Variants in SDK2 observed in about 807,000 individuals in gnomAD.
SDK2 encodes the protein protein sidekick-2.
A neutral mutation model predicts 253.9 loss-of-function variants in SDK2; 105 were observed. That is an observed-to-expected ratio of 0.41 (90% CI 0.35 to 0.49). The LOEUF is 0.49. SDK2 is among the 20% of genes least tolerant of loss of function. SDK2 has a pLI of 0.06. For missense variants in SDK2, 2,608 were observed against 3,003.0 expected, an observed-to-expected ratio of 0.87 and a Z score of 3.07; for synonymous variants, 1,249 against 1,234.9, an observed-to-expected ratio of 1.01 and a Z score of -0.24.
chr17:73,431,555 A>G lies in SDK2; in HGVS notation c.1427T>C (p.Leu476Pro), dbSNP rs749222687. ...ATCGACCCCCCGAGAGTTGGTGGCCAGGCAGGTGTAGGTCCCCGCATCGGA... is the reference window on the plus strand; with the variant it reads ...ATCGACCCCCCGAGAGTTGGTGGCCGGGCAGGTGTAGGTCCCCGCATCGGA... ...HISDAGTYTC[L>P]ATNSRGVDEA... is the part of the protein sequence containing the mutation. Residue 476 changes from leucine (L) to proline (P), a missense_variant, in exon 11 of 45, where the codon CTG becomes CCG. Coordinates refer to ENST00000392650, the MANE Select transcript of SDK2 (RefSeq NM_001144952.2). This position sits in a 1 kb window ranked among gnomAD's most constrained non-coding sequence, Gnocchi z 5.6. 1 of 1,613,640 alleles carries G rather than the reference A, an allele frequency of 6.2e-7. No homozygotes were observed. Among genetic ancestry groups the G allele is most frequent in the Non-Finnish European group, 8.5e-7 (1 of 1,179,740 alleles).
intron 2 of SDK2, among the ~76,000 whole-genome samples, chr17:73,499,421 G>A (rs999975059): frequency 2.6e-5 from 4 of 152,244 alleles, no homozygotes; most frequent in East Asian, 1.9e-4. Flanking sequence ...GCCTGGGGCC[G>A]GCCAGATGCC....
chr17:73,417,684 G>T (rs891874503), intron 16 of SDK2, among the ~76,000 whole-genome samples: 5 of 152,048 alleles, frequency 3.3e-5, no homozygotes, highest in Non-Finnish European at 5.9e-5. Context: ...TGAAGCCTGG[G>T]CTCATTTTCT....
chr17:73,497,727 C>G (rs541980936), intron 2 of SDK2, among the ~76,000 whole-genome samples: 1 of 152,064 alleles, frequency 6.6e-6, no homozygotes, highest in African/African-American at 2.4e-5. Flanking sequence ...CTCTTCCACC[C>G]GCTTCTCACC....
chr17:73,420,475 TG>T (rs1463066516), intron 15 of SDK2, among the ~76,000 whole-genome samples: 3 of 149,414 alleles, frequency 2.0e-5, no homozygotes, highest in Non-Finnish European at 4.4e-5. Flanking sequence ...GGATTATGGG[TG>T]CCTGCCACCA....
At chr17:73,444,542 T>C (rs911685489) in intron 5 of SDK2, among the ~76,000 whole-genome samples, 4 of 152,204 alleles carry the variant, frequency 2.6e-5, no homozygotes, top group African/African-American at 9.6e-5. Context: ...CCAGACGCTT[T>C]GCGTAACAGC....
intron 1 of SDK2, among the ~76,000 whole-genome samples, chr17:73,588,432 G>T (rs1173874800): frequency 2.0e-5 from 3 of 151,452 alleles, no homozygotes; most frequent in Admixed American, 6.6e-5. Context: ...GCAAATTCTG[G>T]GCCTTGTCTC....
At chr17:73,578,452 C>G (rs2045487735) in intron 1 of SDK2, among the ~76,000 whole-genome samples, 1 of 152,184 alleles carries the variant, frequency 6.6e-6, no homozygotes, top group African/African-American at 2.4e-5. Context: ...TGTTTTGAGC[C>G]ACCACATTTG....
At position 73,338,355 on chromosome 17, in the gene SDK2, T is replaced by C. The variant is rs1484537922; in HGVS notation, c.*232A>G. 4.5e-6 allele frequency: 3 copies of C among 670,196 alleles called. No homozygotes were observed. In the East Asian group the frequency reaches 8.8e-5, roughly 20 times the overall value. The allele number at this position is 670,196 out of a possible 1,614,324, so 41.5% of individuals were successfully genotyped here. On this transcript the variant is annotated 3_prime_UTR_variant, in exon 45 of 45. Transcript: ENST00000392650. This position sits in a 1 kb window ranked among gnomAD's most constrained non-coding sequence, Gnocchi z 5.0. Reference sequence around the variant, plus strand: ...CTCCGTGTAATTCCCAAGGGAGCAGTGAACCCCACCATCTCAAAGCTGAAG... The same window carrying C: ...CTCCGTGTAATTCCCAAGGGAGCAGCGAACCCCACCATCTCAAAGCTGAAG...
chr17:73,509,638 A>AG (rs1555594943), intron 1 of SDK2, among the ~76,000 whole-genome samples: 3 of 150,632 alleles, frequency 2.0e-5, no homozygotes, highest in African/African-American at 2.5e-5. Context: ...AAAAAAAAAA[A>AG]AAAAAAAGAA....
chr17:73,536,351 C>T (rs543149782), intron 1 of SDK2, among the ~76,000 whole-genome samples: 15 of 152,328 alleles, frequency 9.8e-5, no homozygotes, highest in Admixed American at 3.9e-4. Context: ...AGTTCAGAGG[C>T]TCTTTTCCAG....
chr17:73,610,517 G>A (rs2045960312), intron 1 of SDK2, among the ~76,000 whole-genome samples: 1 of 152,182 alleles, frequency 6.6e-6, no homozygotes, highest in South Asian at 2.1e-4. Context: ...TCACTCACTG[G>A]GGATCTGACT....
intron 44 of SDK2, among the ~76,000 whole-genome samples, chr17:73,346,204 G>A (rs1482273039): frequency 2.7e-5 from 4 of 147,352 alleles, no homozygotes; most frequent in African/African-American, 7.6e-5. Flanking sequence ...GCGAAACTCC[G>A]TCTCAAGAAA....
intron 1 of SDK2, among the ~76,000 whole-genome samples, chr17:73,622,510 C>T (rs1490260312): frequency 1.3e-5 from 2 of 152,156 alleles, no homozygotes; most frequent in Admixed American, 6.5e-5. Context: ...AGTCTTTTTC[C>T]TCCTCTTCCC....
intron 2 of SDK2, among the ~76,000 whole-genome samples, chr17:73,506,716 A>G (rs1645099069): frequency 6.6e-6 from 1 of 152,216 alleles, no homozygotes; most frequent in Non-Finnish European, 1.5e-5. Flanking sequence ...GGATAAGAGC[A>G]GAAAGGAGGG....
chr17:73,507,656 G>A (rs2063946865), intron 1 of SDK2, 59 bp from the exon 2 acceptor site: 2 of 1,518,224 alleles, frequency 1.3e-6, no homozygotes, highest in South Asian at 2.5e-5. Context: ...GTGACCTGGT[G>A]CGTTTAGTAT....
At position 73,511,125 on chromosome 17, in the gene SDK2, G is replaced by C. The variant is rs1049627322; in HGVS notation, c.65-3528C>G. On this transcript the variant is annotated intron_variant, in intron 1 of 44. Transcript: ENST00000392650. This position sits in a 1 kb window ranked among gnomAD's most constrained non-coding sequence, Gnocchi z 4.9. ...AAATGGGCACATTCTTACTTCAAAG[G>C]CGCATTCATATTCTCCAGCAGCTTT... Among the ~76,000 whole-genome samples, 7 of 152,150 alleles carry C rather than the reference G, an allele frequency of 4.6e-5. No homozygotes were observed. Among genetic ancestry groups the C allele is most frequent in the African/African-American group, 7.2e-5 (3 of 41,440 alleles).
intron 18 of SDK2, among the ~76,000 whole-genome samples, chr17:73,414,147 A>T (rs1450522484): frequency 1.3e-5 from 2 of 151,156 alleles, no homozygotes; most frequent in Non-Finnish European, 2.9e-5. Flanking sequence ...TCCCAGGTTC[A>T]AGTGATTCTC....
intron 1 of SDK2, among the ~76,000 whole-genome samples, chr17:73,633,892 G>A (rs930588404): frequency 1.3e-5 from 2 of 152,132 alleles, no homozygotes; most frequent in African/African-American, 4.8e-5. Flanking sequence ...AGGGGAGAAA[G>A]GAAGGTGCTA....
At chr17:73,626,723 A>T (rs977855013) in intron 1 of SDK2, among the ~76,000 whole-genome samples, 6 of 152,226 alleles carry the variant, frequency 3.9e-5, no homozygotes, top group Non-Finnish European at 8.8e-5. Context: ...GAGAGACTTC[A>T]TCAGCCCAGC....
Sources: gnomAD v4.1 joint callset for allele counts (sites outside exome capture counted in the v4.1 genomes callset) on GRCh38, gnomAD v4.1.1 for gene constraint, Gnocchi (gnomAD v3.1) non-coding constraint, MANE v1.5 for transcripts, NCBI Gene and HGNC (gene_info 2026-07-23, HGNC 2026-07-21) for gene names.